Variants in CCNT2 observed in about 807,000 individuals in gnomAD.
The protein encoded by CCNT2 is cyclin T2, also known as cyclin-T2.
In CCNT2, 18 loss-of-function variants were observed where a neutral mutation model predicts 70.0. The observed-to-expected ratio is 0.26, with a 90% confidence interval of 0.18 to 0.38. The LOEUF (loss-of-function observed/expected upper bound fraction) is 0.38, where lower values mean the gene tolerates loss of function less well. CCNT2 is among the 10% of genes least tolerant of loss of function. The probability of loss-of-function intolerance (pLI) is 1.00; values close to 1 mark genes in which losing one functional copy is unlikely to be tolerated. For synonymous variants in CCNT2, 334 were observed against 313.3 expected (o/e 1.07, Z -0.70); for missense variants, 734 against 890.2 (o/e 0.82, Z 2.23).
intron 7 of CCNT2, among the ~76,000 whole-genome samples, chr2:134,949,802 C>CAGG (rs747759528): frequency 2.0e-5 from 1 of 48,900 alleles, no homozygotes; most frequent in African/African-American, 7.3e-5. Flanking sequence ...ATTTTTTTTT[C>CAGG]GGGGGGGGGG....
Position 134,959,274 on chromosome 2 carries a change from G to A in CCNT2, c.*4626G>A, listed in dbSNP as rs1420432187. 3 of 152,166 alleles carry A rather than the reference G, an allele frequency of 2.0e-5. No individual in the cohort carries two copies. Among genetic ancestry groups the A allele is most frequent in the African/African-American group, 7.2e-5 (3 of 41,460 alleles). The allele number at this position is 152,166 out of a possible 1,614,324, so 9.4% of individuals were successfully genotyped here. A position where few individuals can be genotyped will look rare whatever the true frequency, so the allele number is the denominator to read the frequency against. Reference sequence around the variant, plus strand: ...AAACAGGAATATGTGTATATGGCATGAATTAGTCATTGACTTTAAGCTTCT... The same window carrying A: ...AAACAGGAATATGTGTATATGGCATAAATTAGTCATTGACTTTAAGCTTCT... On this transcript the variant is annotated 3_prime_UTR_variant, in exon 9 of 9. Coordinates refer to ENST00000264157, the MANE Select transcript of CCNT2 (RefSeq NM_058241.3).
At position 134,954,064 on chromosome 2, in the gene CCNT2, T is replaced by C; in HGVS notation, c.1609T>C (p.Ser537Pro). ...IKVSSSERHS[S>P]SDEGSGKSKH... ...AGTTTCTTCTTCAGAAAGACACAGCTCTTCTGATGAAGGCAGTGGGAAGAG... is the reference window on the plus strand; with the variant it reads ...AGTTTCTTCTTCAGAAAGACACAGCCCTTCTGATGAAGGCAGTGGGAAGAG... Residue 537 changes from serine to proline, a missense_variant, in exon 9 of 9, where the codon TCT becomes CCT. Coordinates refer to ENST00000264157, the MANE Select transcript of CCNT2 (RefSeq NM_058241.3). The C allele has an allele frequency of 6.2e-7, 1 of 1,613,766 alleles. No homozygotes were observed. The highest frequency in any genetic ancestry group is 8.5e-7 in the Non-Finnish European group (1 of 1,179,726).
intron 2 of CCNT2, among the ~76,000 whole-genome samples, 195 bp from the exon 3 acceptor site, chr2:134,936,646 A>C (rs1320075730): frequency 6.6e-6 from 1 of 151,902 alleles, no homozygotes; most frequent in Admixed American, 6.6e-5. Context: ...CCACCTTCTC[A>C]GGGAGGCTGA....
At chr2:134,919,150 C>G in intron 1 of CCNT2, 138 bp downstream of exon 1, 4 of 1,000,262 alleles carry the variant, frequency 4.0e-6, no homozygotes, top group Non-Finnish European at 5.7e-6. Flanking sequence ...AATGTTCCGG[C>G]TCGGGCAGTC....
Position 134,949,280 on chromosome 2 carries a change from C to T in CCNT2, c.703+1381C>T, listed in dbSNP as rs574254774. Among the ~76,000 whole-genome samples, 4 of 152,308 alleles carry T rather than the reference C, an allele frequency of 2.6e-5. No individual in the cohort carries two copies. The East Asian group carries it at 7.7e-4, about 29-fold the overall frequency. On this transcript the variant is annotated intron_variant, in intron 7 of 8. Coordinates refer to ENST00000264157, the MANE Select transcript of CCNT2 (RefSeq NM_058241.3). The stretch of plus-strand genomic sequence containing the variant: ...TACAGGTTTGAGCCTCTGTGCCCCA[C>T]CTGATGTTTCTTTAAGATAGGGGTC...
chr2:134,931,114 C>T (rs890568587), intron 2 of CCNT2, among the ~76,000 whole-genome samples: 4 of 151,712 alleles, frequency 2.6e-5, no homozygotes, highest in Non-Finnish European at 5.9e-5. Context: ...AGGTGCCTGC[C>T]GCCACGCCCG....
chr2:134,928,904 T>C (rs997330235), intron 2 of CCNT2, among the ~76,000 whole-genome samples: 2 of 152,178 alleles, frequency 1.3e-5, no homozygotes, highest in Non-Finnish European at 2.9e-5. Flanking sequence ...ACCAGGTATT[T>C]CCACACCCCC....
chr2:134,940,846 C>CA (rs760379668), intron 4 of CCNT2, among the ~76,000 whole-genome samples: 2 of 151,758 alleles, frequency 1.3e-5, no homozygotes, highest in Non-Finnish European at 2.9e-5. Flanking sequence ...TGTGATGTTA[C>CA]AAAAAAAAGT....
chr2:134,924,620 T>G (rs1205952392), intron 2 of CCNT2, among the ~76,000 whole-genome samples: 2 of 152,108 alleles, frequency 1.3e-5, no homozygotes, highest in Admixed American at 6.5e-5. Flanking sequence ...CAGCTAATTT[T>G]TGTATTTTTA....
chr2:134,921,376 CAG>C (rs1254835728), intron 2 of CCNT2, among the ~76,000 whole-genome samples: 1 of 151,268 alleles, frequency 6.6e-6, no homozygotes, highest in Non-Finnish European at 1.5e-5. Context: ...TTTTTTGAGA[CAG>C]AGTCTCACTC....
intron 2 of CCNT2, chr2:134,920,112 C>G (rs890650077): frequency 7.4e-6 from 3 of 406,334 alleles, no homozygotes; most frequent in African/African-American, 6.3e-5. Context: ...GCCTTTTAAG[C>G]TAAAAAAGAA....
intron 6 of CCNT2, 102 bp from the exon 7 acceptor site, chr2:134,947,628 TTAAAGA>T (rs1253542117): frequency 2.6e-5 from 19 of 721,566 alleles, no homozygotes; most frequent in East Asian, 1.4e-4. Flanking sequence ...TACTCTAGAC[TTAAAGA>T]TAGAGTTTAA....
rs185673096 is a variant in CCNT2 at position 134,935,257 on chromosome 2, T to C, written c.241-1584T>C. 5.8e-4 allele frequency among the ~76,000 whole-genome samples: 89 copies of C among 152,348 alleles called. 1 individual carries two copies. In the East Asian group the frequency reaches 0.016, roughly 27 times the overall value. On this transcript the variant is annotated intron_variant, in intron 2 of 8. Transcript: ENST00000264157. ...TGCAAATTAAAATTATTCACTCATT[T>C]TAAGTTAACATTATTTCTAGTTCTT...
In CCNT2 at chr2:134,954,196, GGCA is replaced by G; in HGVS notation, c.1750_1752del (p.Ser584del). 1.2e-6 allele frequency: 2 copies of G among 1,614,112 alleles called. No homozygotes were observed. Among genetic ancestry groups the G allele is most frequent in the Non-Finnish European group, 1.7e-6 (2 of 1,180,014 alleles). ...CCACAAGCATTCCCACTCGCATAGT[GGCA>G]GCAGCAGCGGTGGCAGTAAACACAG... On this transcript the variant is annotated inframe_deletion, in exon 9 of 9. Coordinates refer to ENST00000264157, the MANE Select transcript of CCNT2 (RefSeq NM_058241.3).
intron 2 of CCNT2, among the ~76,000 whole-genome samples, chr2:134,922,974 T>G (rs918612966): frequency 6.6e-6 from 1 of 152,108 alleles, no homozygotes; most frequent in African/African-American, 2.4e-5. Context: ...CCATGTATAA[T>G]ATGCAAGATT....
rs145240407 is a variant in CCNT2, at chr2:134,946,492, C to T, written c.539+346C>T. ...TAAGTATAAAGCTATTTCCAGTTTA[C>T]AATTATAGTTAAATGACAATTTTTA... On this transcript the variant is annotated intron_variant, in intron 6 of 8. Coordinates refer to ENST00000264157, the MANE Select transcript of CCNT2 (RefSeq NM_058241.3). 62 of 831,710 alleles carry T rather than the reference C, an allele frequency of 7.5e-5. No homozygotes were observed. In the East Asian group the frequency reaches 5.2e-3, roughly 70 times the overall value. The allele number at this position is 831,710 out of a possible 1,614,324, so 51.5% of individuals were successfully genotyped here. A position where few individuals can be genotyped will look rare whatever the true frequency, so the allele number is the denominator to read the frequency against.
intron 4 of CCNT2, 47 bp downstream of exon 4, chr2:134,939,109 A>G: frequency 8.4e-7 from 1 of 1,188,866 alleles, no homozygotes; most frequent in Non-Finnish European, 1.2e-6. Context: ...ATTTCACTAA[A>G]GCATTCTAAA....
At chr2:134,924,364 C>T (rs1345651267) in intron 2 of CCNT2, among the ~76,000 whole-genome samples, 1 of 152,164 alleles carries the variant, frequency 6.6e-6, no homozygotes, top group East Asian at 1.9e-4. Context: ...CCAACCAAGT[C>T]AAGAAATAGA....
Position 134,919,732 on chromosome 2 carries a change from C to T in CCNT2, c.159-78C>T, listed in dbSNP as rs189858230. On this transcript the variant is annotated intron_variant, in intron 1 of 8. Coordinates refer to ENST00000264157, the MANE Select transcript of CCNT2 (RefSeq NM_058241.3). ...TTGAATGGGAGGTATTGGAAAAGAA[C>T]CTGGGAATTTTCCATCAAAATTGTT... The T allele has an allele frequency of 1.8e-5, 21 of 1,144,496 alleles. No individual in the cohort carries two copies. In the East Asian group the frequency reaches 4.0e-4, roughly 22 times the overall value. The allele number at this position is 1,144,496 out of a possible 1,614,324, so 70.9% of individuals were successfully genotyped here.
Sources: gnomAD v4.1 joint callset for allele counts (sites outside exome capture counted in the v4.1 genomes callset) on GRCh38, gnomAD v4.1.1 for gene constraint, MANE v1.5 for transcripts, NCBI Gene and HGNC (gene_info 2026-07-23, HGNC 2026-07-21) for gene names.